The following UBN1 variants were observed in gnomAD, a reference collection of about 807,000 sequenced individuals.
The protein encoded by UBN1 is ubinuclein 1.
In UBN1, 17 loss-of-function variants were observed where a neutral mutation model predicts 108.5. That is an observed-to-expected ratio of 0.16 (90% CI 0.11 to 0.24). The LOEUF is 0.24. Among genes scored for constraint, UBN1 ranks in the 10% least tolerant of loss-of-function variants. The probability of loss-of-function intolerance (pLI) is 1.00; values close to 1 mark genes in which losing one functional copy is unlikely to be tolerated. For synonymous variants in UBN1, 726 were observed against 564.2 expected (o/e 1.29, Z -4.07); for missense variants, 1,595 against 1,394.4 (o/e 1.14, Z -2.29).
chr16:4,848,484 G>A (rs2086325570), intron 1 of UBN1: 1 of 152,330 alleles, frequency 6.6e-6, no homozygotes, highest in South Asian at 2.1e-4. Flanking sequence ...GGCTCTTGTT[G>A]AGTCACTGCC....
chr16:4,875,189 A>C lies in UBN1; in HGVS notation c.2779A>C (p.Ser927Arg). Residue 927 changes from serine to arginine, a missense_variant, in exon 15 of 18, where the codon AGT becomes CGT. By Grantham distance (110) the Ser-to-Arg change is moderately radical (BLOSUM62 -1). Transcript: ENST00000262376. ...TTCCTCGGGAGGAACACCAGTCCAG[A>C]GTTCTGTTTCTGGGAGCCTGGTCCC... ...SSSSGGTPVQ[S>R]SVSGSLVPGI... 1 of 1,614,216 alleles carries C rather than the reference A, an allele frequency of 6.2e-7. No individual in the cohort carries two copies. The highest frequency in any genetic ancestry group is 2.2e-5 in the East Asian group (1 of 44,880).
intron 17 of UBN1, among the ~76,000 whole-genome samples, chr16:4,878,200 G>A (rs150832048): frequency 9.9e-5 from 15 of 152,274 alleles, no homozygotes; most frequent in East Asian, 3.9e-4. Context: ...ACCCTATCCC[G>A]AGTCTGCGAT....
chr16:4,865,532 G>A (rs1473991818), intron 7 of UBN1, among the ~76,000 whole-genome samples: 2 of 152,054 alleles, frequency 1.3e-5, no homozygotes, highest in East Asian at 1.9e-4. Context: ...TTAGTCAGGC[G>A]TGGTTGCGTG....
At chr16:4,876,810 T>A in intron 15 of UBN1, 61 bp from the exon 16 acceptor site, 1 of 1,524,740 alleles carries the variant, frequency 6.6e-7, no homozygotes, top group African/African-American at 1.4e-5. Context: ...TTGCCAGGTT[T>A]GGTGTGAGTG....
rs1464468664 is a variant in UBN1, at chr16:4,880,246, C to T, written c.*114C>T. ...GCTGCTTGGTGTTCTTCTGGAGGAG[C>T]GTGAGTTCTCAGCGGAGCGCTTCTC... On this transcript the variant is annotated 3_prime_UTR_variant, in exon 18 of 18. Coordinates refer to ENST00000262376, the MANE Select transcript of UBN1 (RefSeq NM_001079514.3). 5.6e-6 allele frequency: 7 copies of T among 1,251,750 alleles called. No individual in the cohort carries two copies. The highest frequency in any genetic ancestry group is 3.0e-5 in the African/African-American group (2 of 67,746). The allele number at this position is 1,251,750 out of a possible 1,614,324, so 77.5% of individuals were successfully genotyped here. A position where few individuals can be genotyped will look rare whatever the true frequency, so the allele number is the denominator to read the frequency against.
At chr16:4,849,003 A>C (rs1047753401) in intron 1 of UBN1, among the ~76,000 whole-genome samples, 1 of 152,216 alleles carries the variant, frequency 6.6e-6, no homozygotes, top group African/African-American at 2.4e-5. Flanking sequence ...TGGGAGGCTG[A>C]GGCAGGAGAA....
At chr16:4,863,041 A>T (rs530100185) in intron 7 of UBN1, among the ~76,000 whole-genome samples, 1 of 152,226 alleles carries the variant, frequency 6.6e-6, no homozygotes, top group Admixed American at 6.5e-5. Context: ...CTATAACAGC[A>T]TTAAGAAACT....
At chr16:4,850,711 A>G (rs1435600824) in intron 1 of UBN1, among the ~76,000 whole-genome samples, 3 of 152,226 alleles carry the variant, frequency 2.0e-5, no homozygotes, top group Non-Finnish European at 4.4e-5. Context: ...ATGTGATGTT[A>G]TAAGTTGATT....
In UBN1 at chr16:4,871,296, G is replaced by C; in HGVS notation, c.1701G>C (p.Gln567His). ...CCCTCTGGCCCAAAGGCTGGATGCAGGCCAGGTGAGGGCCGTGTGCTGAGA... is the reference window on the plus strand; with the variant it reads ...CCCTCTGGCCCAAAGGCTGGATGCACGCCAGGTGAGGGCCGTGTGCTGAGA... ...VKPLWPKGWM[Q>H]ARTLFKESRR... is the part of the protein sequence containing the mutation. Residue 567 changes from glutamine (Q) to histidine (H), a missense_variant, in exon 12 of 18, where the codon CAG becomes CAC. By Grantham distance (24) the Gln-to-His change is conservative. Transcript: ENST00000262376. The C allele has an allele frequency of 6.2e-7, 1 of 1,614,008 alleles. No homozygotes were observed. The highest frequency in any genetic ancestry group is 8.5e-7 in the Non-Finnish European group (1 of 1,179,986).
In UBN1 at chr16:4,870,609, G is replaced by T. The variant is rs534943419; in HGVS notation, c.1405G>T (p.Ala469Ser). ...QMAKYQDECQ[A>S]HTQAKVAKML... ...GGCCAAGTACCAGGACGAATGCCAG[G>T]CACACACGCAGGCAAAGGTTGCCAA... Residue 469 changes from alanine (A) to serine (S), a missense_variant, in exon 10 of 18, where the codon GCA becomes TCA. Physicochemically the swap from Ala to Ser is moderately conservative, Grantham distance 99 (BLOSUM62 1). This residue lies in a region of UBN1 where 1,398 missense variants were observed against 1,194.7 expected (regional missense o/e 1.17). Transcript: ENST00000262376. 1 of 1,614,172 alleles carries T rather than the reference G, an allele frequency of 6.2e-7. No homozygotes were observed. Among genetic ancestry groups the T allele is most frequent in the South Asian group, 1.1e-5 (1 of 91,086 alleles).
chr16:4,867,917 C>CAGCA (rs1220167087), intron 7 of UBN1, among the ~76,000 whole-genome samples: 2 of 152,116 alleles, frequency 1.3e-5, no homozygotes, highest in Non-Finnish European at 2.9e-5. Context: ...GCCTTCAGAC[C>CAGCA]AGCAGCTCTT....
At chr16:4,878,155 C>T (rs988166756) in intron 17 of UBN1, among the ~76,000 whole-genome samples, 3 of 152,150 alleles carry the variant, frequency 2.0e-5, no homozygotes, top group Admixed American at 6.5e-5. Context: ...TCAGGTGCCC[C>T]GGGTTGGTAC....
At chr16:4,868,969 G>C (rs964535669) in intron 8 of UBN1, 66 bp downstream of exon 8, 38 of 1,566,602 alleles carry the variant, frequency 2.4e-5, no homozygotes, top group Non-Finnish European at 3.1e-5. Flanking sequence ...GGGCAAGCCA[G>C]CTAGGGGACA....
chr16:4,872,865 G>T lies in UBN1; in HGVS notation c.1707-19G>T. ...CTTTCTGGGGCATGTACAGATGCCT[G>T]GTGTTCTGTGTCTTTCAGAACTCTG... On this transcript the variant is annotated intron_variant, in intron 12 of 17. Transcript: ENST00000262376. 6.2e-7 allele frequency: 1 copy of T among 1,614,076 alleles called. No homozygotes were observed. The highest frequency in any genetic ancestry group is 8.5e-7 in the Non-Finnish European group (1 of 1,179,962).
intron 7 of UBN1, among the ~76,000 whole-genome samples, chr16:4,865,583 A>G (rs996593979): frequency 6.6e-6 from 1 of 152,056 alleles, no homozygotes; most frequent in African/African-American, 2.4e-5. Context: ...AGGCGGGAGG[A>G]TTATTTGAGC....
chr16:4,866,801 C>T (rs1281034928), intron 7 of UBN1, among the ~76,000 whole-genome samples: 9 of 152,198 alleles, frequency 5.9e-5, no homozygotes, highest in East Asian at 3.8e-4. Context: ...TGTGAGCCAC[C>T]GCGCCGGGCC....
intron 7 of UBN1, 104 bp downstream of exon 7, chr16:4,861,206 G>T: frequency 7.8e-7 from 1 of 1,290,092 alleles, no homozygotes; most frequent in South Asian, 1.5e-5. Context: ...TTAGTGAGTT[G>T]GCAGTTAAGG....
At chr16:4,868,959 G>A (rs761532188) in intron 8 of UBN1, 56 bp downstream of exon 8, 2 of 1,597,484 alleles carry the variant, frequency 1.3e-6, no homozygotes, top group African/African-American at 1.3e-5. Flanking sequence ...ACTGAGCTTG[G>A]GGCAAGCCAG....
intron 12 of UBN1, 98 bp downstream of exon 12, chr16:4,871,399 A>C (rs958734561): frequency 6.6e-7 from 1 of 1,509,516 alleles, no homozygotes; most frequent in Non-Finnish European, 8.9e-7. Context: ...ACAGGGAGTC[A>C]CTGTCTAGCT....
Sources: allele counts gnomAD v4.1 joint callset (sites outside exome capture counted in the v4.1 genomes callset), GRCh38; gene constraint gnomAD v4.1.1; regional missense constraint gnomAD v4.1.1; transcripts MANE v1.5; gene names NCBI Gene and HGNC (gene_info 2026-07-23, HGNC 2026-07-21).